Variants in TBC1D2 observed in about 807,000 individuals in gnomAD.
TBC1D2 encodes the protein TBC1 domain family member 2A.
A neutral mutation model predicts 91.1 loss-of-function variants in TBC1D2; 58 were observed. The ratio of observed to expected loss-of-function variants is 0.64; its 90% CI spans 0.52 to 0.79. The LOEUF (loss-of-function observed/expected upper bound fraction) is 0.79. Ranked by LOEUF, TBC1D2 falls within the 30% of genes least tolerant of loss-of-function variation. The probability of loss-of-function intolerance (pLI) is 0.00; values close to 1 mark genes in which losing one functional copy is unlikely to be tolerated. For synonymous variants in TBC1D2, 482 were observed against 511.5 expected (o/e 0.94, Z 0.78); for missense variants, 1,080 against 1,208.3 (o/e 0.89, Z 1.57).
At chr9:98,241,661 A>G (rs990255078) in intron 3 of TBC1D2, among the ~76,000 whole-genome samples, 2 of 152,106 alleles carry the variant, frequency 1.3e-5, no homozygotes, top group African/African-American at 4.8e-5. Context: ...TCAGTTTAAT[A>G]TTGGTGAGAC....
rs552582772 is a variant in TBC1D2 at position 98,249,928 on chromosome 9, C to T, written c.511+1857G>A. Among the ~76,000 whole-genome samples the T allele has an allele frequency of 2.6e-5, 4 of 152,214 alleles. No individual in the cohort carries two copies. In the South Asian group the frequency reaches 6.2e-4, roughly 24 times the overall value. On this transcript the variant is annotated intron_variant, in intron 2 of 12. Transcript: ENST00000465784. ...ATTCATTCCACAAATATCCAATGTGCCAGGCAGGACACCAGGGAGGTGACA... is the reference window on the plus strand; with the variant it reads ...ATTCATTCCACAAATATCCAATGTGTCAGGCAGGACACCAGGGAGGTGACA...
chr9:98,232,712 C>T (rs1829401686), intron 4 of TBC1D2, among the ~76,000 whole-genome samples: 1 of 152,208 alleles, frequency 6.6e-6, no homozygotes, highest in Non-Finnish European at 1.5e-5. Flanking sequence ...CAAGCTTCCC[C>T]TGATGGTGAC....
At chr9:98,231,489 G>A in intron 4 of TBC1D2, among the ~76,000 whole-genome samples, 1 of 152,094 alleles carries the variant, frequency 6.6e-6, no homozygotes, top group East Asian at 1.9e-4. Flanking sequence ...TTAACACAGT[G>A]TTGAGATATT....
chr9:98,211,762 T>C (rs562767373), intron 7 of TBC1D2, among the ~76,000 whole-genome samples: 1 of 151,810 alleles, frequency 6.6e-6, no homozygotes, highest in South Asian at 2.1e-4. Flanking sequence ...CCTGGGCTGC[T>C]TCCTGAGTCC....
At chr9:98,230,945 C>T (rs970056669) in intron 4 of TBC1D2, among the ~76,000 whole-genome samples, 3 of 152,106 alleles carry the variant, frequency 2.0e-5, no homozygotes, top group East Asian at 1.9e-4. Context: ...TGTTCCAGAT[C>T]GAAGAGAAAT....
intron 9 of TBC1D2, among the ~76,000 whole-genome samples, chr9:98,204,198 CA>C (rs1193878858): frequency 6.6e-6 from 1 of 152,152 alleles, no homozygotes; most frequent in Non-Finnish European, 1.5e-5. Flanking sequence ...AGTCATTTTC[CA>C]AAAATGTCTT....
rs1245896391 is a variant in TBC1D2 at position 98,216,631 on chromosome 9, T to A, written c.1375-3413A>T. Among the ~76,000 whole-genome samples the A allele has an allele frequency of 2.0e-5, 3 of 152,226 alleles. No homozygotes were observed. In the East Asian group the frequency reaches 5.8e-4, roughly 29 times the overall value. On this transcript the variant is annotated intron_variant, in intron 6 of 12. Coordinates refer to ENST00000465784, the MANE Select transcript of TBC1D2 (RefSeq NM_001267571.2). ...GGCGCTGGCCACTGCTCCACACCAC[T>A]GGGTCTCCCTCCTTGATATCACCCC...
intron 3 of TBC1D2, among the ~76,000 whole-genome samples, chr9:98,233,854 G>A (rs888583737): frequency 6.6e-6 from 1 of 152,192 alleles, no homozygotes; most frequent in African/African-American, 2.4e-5. Flanking sequence ...GGTATTGTCC[G>A]TTTTGTTAAC....
chr9:98,203,339 C>T lies in TBC1D2; in HGVS notation c.2220G>A (p.Val740=). The T allele has an allele frequency of 6.2e-7, 1 of 1,614,236 alleles. No homozygotes were observed. Among genetic ancestry groups the T allele is most frequent in the South Asian group, 1.1e-5 (1 of 91,090 alleles). Residue 740 remains valine (V), a synonymous_variant, in exon 10 of 13, where the codon GTG becomes GTA. Transcript: ENST00000465784. ...ESAFWCLVAI[V]ETIMPADYYC... Reference sequence around the variant, plus strand: ...AGTAATCAGCGGGCATGATGGTCTCCACAATGGCCACCAGGCACCAGAAGG... The same window carrying T: ...AGTAATCAGCGGGCATGATGGTCTCTACAATGGCCACCAGGCACCAGAAGG...
Position 98,199,272 on chromosome 9 carries a change from G to T in TBC1D2, c.*109C>A. 1.6e-6 allele frequency: 2 copies of T among 1,214,792 alleles called. No individual in the cohort carries two copies. Among genetic ancestry groups the T allele is most frequent in the South Asian group, 1.4e-5 (1 of 73,584 alleles). 75.3% of individuals were successfully genotyped at this position (1,214,792 alleles called of 1,614,324 possible). A position where few individuals can be genotyped will look rare whatever the true frequency, so the allele number is the denominator to read the frequency against. ...CAGAGAGGGGAAGGGACATGTCCAA[G>T]GTCACATGGTGATGGGACACCCAGG... On this transcript the variant is annotated 3_prime_UTR_variant, in exon 13 of 13. Coordinates refer to ENST00000465784, the MANE Select transcript of TBC1D2 (RefSeq NM_001267571.2).
intron 3 of TBC1D2, among the ~76,000 whole-genome samples, chr9:98,242,817 T>C (rs1829677146): frequency 6.9e-6 from 1 of 144,984 alleles, no homozygotes; most frequent in Non-Finnish European, 1.5e-5. Context: ...TTTTTTTTTT[T>C]TTTTTTTTTT....
chr9:98,233,862 AACTGATGC>A (rs1269379795), intron 3 of TBC1D2, among the ~76,000 whole-genome samples: 1 of 152,184 alleles, frequency 6.6e-6, no homozygotes, highest in Non-Finnish European at 1.5e-5. Context: ...CCGTTTTGTT[AACTGATGC>A]ACCTACAATG....
At chr9:98,232,394 A>G (rs112460821) in intron 4 of TBC1D2, among the ~76,000 whole-genome samples, 5,441 of 138,188 alleles carry the variant, frequency 0.039, 184 homozygotes, top group African/African-American at 0.096. Context: ...ATCACGGCTC[A>G]CTGCAGCCTC....
At chr9:98,240,614 G>A (rs1013164950) in intron 3 of TBC1D2, among the ~76,000 whole-genome samples, 1 of 152,192 alleles carries the variant, frequency 6.6e-6, no homozygotes, top group Non-Finnish European at 1.5e-5. Context: ...CACTGGCTAG[G>A]TGGGGTAATC....
At chr9:98,237,481 T>C (rs1829534675) in intron 3 of TBC1D2, among the ~76,000 whole-genome samples, 2 of 152,058 alleles carry the variant, frequency 1.3e-5, no homozygotes, top group South Asian at 2.1e-4. Context: ...AGTGTTGATA[T>C]TGGGAAGAGT....
At position 98,228,301 on chromosome 9, in the gene TBC1D2, A is replaced by T. The variant is rs1829283461; in HGVS notation, c.978+651T>A. On this transcript the variant is annotated intron_variant, in intron 5 of 12. Coordinates refer to ENST00000465784, the MANE Select transcript of TBC1D2 (RefSeq NM_001267571.2). This position sits in a 1 kb window ranked among gnomAD's most constrained non-coding sequence, Gnocchi z 4.0. ...GCCCTGGGACCCTCACTACTTCATA[A>T]GGTAGCCCCTGGCTTTTAATACCAT... 6.6e-6 allele frequency among the ~76,000 whole-genome samples: 1 copy of T among 152,222 alleles called. No individual in the cohort carries two copies. Among genetic ancestry groups the T allele is most frequent in the South Asian group, 2.1e-4 (1 of 4,838 alleles).
At chr9:98,206,007 C>T (rs80011821) in intron 9 of TBC1D2, among the ~76,000 whole-genome samples, 29,019 of 151,966 alleles carry the variant, frequency 0.19, 2,896 homozygotes, top group South Asian at 0.27. Context: ...TCTCTTTTTT[C>T]GAGATGGAGT....
Position 98,251,864 on chromosome 9 carries a change from G to A in TBC1D2, c.432C>T (p.Phe144=), listed in dbSNP as rs1323130789. 6.2e-7 allele frequency: 1 copy of A among 1,605,380 alleles called. No individual in the cohort carries two copies. The highest frequency in any genetic ancestry group is 1.3e-5 in the African/African-American group (1 of 74,156). The change falls in exon 2 of 13, where the codon TTC becomes TTT. Residue 144 remains phenylalanine (F), a synonymous_variant. Coordinates refer to ENST00000465784, the MANE Select transcript of TBC1D2 (RefSeq NM_001267571.2). Reference sequence around the variant, plus strand: ...CAGGAGGTGCCGGCGGGCTGTTGTGGAATTCCCAGCGCTTCATCTGCAGCT... The same window carrying A: ...CAGGAGGTGCCGGCGGGCTGTTGTGAAATTCCCAGCGCTTCATCTGCAGCT... The part of the protein sequence containing the change: ...LQQLQMKRWE[F]HNSPPAPPAT...
chr9:98,225,130 G>A (rs929044816), intron 5 of TBC1D2, among the ~76,000 whole-genome samples: 6 of 152,208 alleles, frequency 3.9e-5, no homozygotes, highest in Admixed American at 6.5e-5. Flanking sequence ...TGGCCCCAGA[G>A]GGCCGCAGGC....
Sources: allele counts gnomAD v4.1 joint callset (sites outside exome capture counted in the v4.1 genomes callset), GRCh38; gene constraint gnomAD v4.1.1; non-coding constraint Gnocchi (gnomAD v3.1); transcripts MANE v1.5; gene names NCBI Gene and HGNC (gene_info 2026-07-23, HGNC 2026-07-21).